PLSCR2: variants seen among roughly 807,000 people sequenced by gnomAD.
The protein encoded by PLSCR2 is PL scramblase 2.
A neutral mutation model predicts 25.3 loss-of-function variants in PLSCR2; 18 were observed. The observed-to-expected ratio is 0.71, with a 90% CI of 0.49 to 1.06. PLSCR2 has a LOEUF of 1.06. PLSCR2 is among the 50% of genes least tolerant of loss of function. PLSCR2 has a pLI of 0.00. For missense variants in PLSCR2, 243 were observed against 269.5 expected, an observed-to-expected ratio of 0.90 and a Z score of 0.69; for synonymous variants, 88 against 87.3, an observed-to-expected ratio of 1.01 and a Z score of -0.04.
chr3:146,488,698 T>C (rs528668684), intron 1 of PLSCR2, among the ~76,000 whole-genome samples: 24 of 152,068 alleles, frequency 1.6e-4, no homozygotes, highest in African/African-American at 5.3e-4. Context: ...TGTGGAGAAA[T>C]AGGAATGCTT....
At chr3:146,429,947 G>C (rs2039489143), downstream of PLSCR2, among the ~76,000 whole-genome samples, 1 of 152,154 alleles carries the variant, frequency 6.6e-6, no homozygotes, top group Non-Finnish European at 1.5e-5. Flanking sequence ...GCAAAGAGGG[G>C]TGAGAGAAGG....
intron 5 of PLSCR2, among the ~76,000 whole-genome samples, chr3:146,452,369 T>C (rs1206196667): frequency 2.0e-5 from 3 of 152,174 alleles, no homozygotes; most frequent in African/African-American, 7.2e-5. Flanking sequence ...AAAAACTAAA[T>C]ATTTATTTGC....
intron 2 of PLSCR2, among the ~76,000 whole-genome samples, chr3:146,421,829 C>A (rs1262665483): frequency 2.0e-5 from 3 of 152,090 alleles, no homozygotes; most frequent in Non-Finnish European, 4.4e-5. Context: ...CAGGTGAGGG[C>A]TTAGCCAGAA....
At chr3:146,402,593 G>A (rs754672962) in intron 2 of PLSCR2, among the ~76,000 whole-genome samples, 6 of 151,794 alleles carry the variant, frequency 4.0e-5, no homozygotes, top group Middle Eastern at 3.2e-3. Context: ...TCAGCCTCCC[G>A]AGTAGCCAAG....
downstream of PLSCR2, among the ~76,000 whole-genome samples, chr3:146,437,503 G>C (rs191061030): frequency 2.6e-5 from 4 of 152,296 alleles, no homozygotes; most frequent in African/African-American, 9.6e-5. Flanking sequence ...AGTCTTAGGA[G>C]GGTGTATGTG....
upstream of PLSCR2, among the ~76,000 whole-genome samples, chr3:146,460,443 G>GAAAAAAAAAAAA (rs59446001): frequency 1.5e-5 from 2 of 133,776 alleles, no homozygotes; most frequent in African/African-American, 2.7e-5. Flanking sequence ...GATGAAATTG[G>GAAAAAAAAAAAA]AAAAAAAAAA....
Position 146,441,909 on chromosome 3 carries a change from GTTAA to G in PLSCR2, c.646-92_646-89del, listed in dbSNP as rs1001076068. 4.1e-5 allele frequency: 32 copies of G among 783,480 alleles called. No homozygotes were observed. In the African/African-American group the frequency reaches 5.2e-4, roughly 13 times the overall value. 48.5% of individuals were successfully genotyped at this position (783,480 alleles called of 1,614,324 possible). ...ATGCTAAGGGATCTGATGAAACACA[GTTAA>G]TTGTCTGTTAAATAAGAAAAATTAA... is the stretch of plus-strand genomic sequence containing the variant. On this transcript the variant is annotated intron_variant, in intron 6 of 6. Coordinates refer to ENST00000610787, the Ensembl canonical transcript of PLSCR2.
At chr3:146,454,231 T>C in intron 4 of PLSCR2, 68 bp from the exon 5 acceptor site, 1 of 1,118,890 alleles carries the variant, frequency 8.9e-7, no homozygotes, top group Non-Finnish European at 1.2e-6. Flanking sequence ...ATAGCTCTAA[T>C]TTACTGAGCA....
upstream of PLSCR2, among the ~76,000 whole-genome samples, chr3:146,464,785 A>G (rs2041786692): frequency 6.6e-6 from 1 of 152,192 alleles, no homozygotes; most frequent in Non-Finnish European, 1.5e-5. Flanking sequence ...ATCAGAAATC[A>G]TGTCTTCATT....
chr3:146,489,040 A>G (rs6810208), intron 1 of PLSCR2, among the ~76,000 whole-genome samples: 4,214 of 152,226 alleles, frequency 0.028, 223 homozygotes, highest in African/African-American at 0.096. Context: ...GCTGGAAGCC[A>G]TCATTCTCAG....
chr3:146,408,671 A>G (rs2038737486), intron 2 of PLSCR2, among the ~76,000 whole-genome samples: 1 of 151,970 alleles, frequency 6.6e-6, no homozygotes, highest in Non-Finnish European at 1.5e-5. Context: ...GAGCACGGCT[A>G]TTTTCGGGGG....
chr3:146,484,684 C>A (rs1459503540), intron 1 of PLSCR2, among the ~76,000 whole-genome samples: 6 of 152,000 alleles, frequency 3.9e-5, no homozygotes, highest in Non-Finnish European at 5.9e-5. Context: ...TATTTCTGGC[C>A]AAACTAAGCT....
intron 3 of PLSCR2, among the ~76,000 whole-genome samples, chr3:146,456,162 T>C (rs1234871467): frequency 2.0e-5 from 3 of 152,192 alleles, no homozygotes; most frequent in African/African-American, 7.2e-5. Context: ...GCACCTTAGA[T>C]AGGCTAACCT....
chr3:146,415,718 A>G (rs995924381), intron 2 of PLSCR2, among the ~76,000 whole-genome samples: 14 of 152,144 alleles, frequency 9.2e-5, no homozygotes, highest in Admixed American at 8.5e-4. Context: ...TATTCAAGAG[A>G]CAATATCACA....
chr3:146,472,907 T>C (rs2042165107), intron 1 of PLSCR2, among the ~76,000 whole-genome samples: 1 of 152,244 alleles, frequency 6.6e-6, no homozygotes, highest in Non-Finnish European at 1.5e-5. Flanking sequence ...GAAGCCTCTC[T>C]GGCTTGCAGA....
At chr3:146,408,698 G>C (rs778329838) in intron 2 of PLSCR2, among the ~76,000 whole-genome samples, 1 of 152,002 alleles carries the variant, frequency 6.6e-6, no homozygotes, top group Non-Finnish European at 1.5e-5. Flanking sequence ...GGTCAAAAGG[G>C]GTGTAAATCC....
At chr3:146,494,312 T>C (rs2043668359) in intron 1 of PLSCR2, among the ~76,000 whole-genome samples, 1 of 152,208 alleles carries the variant, frequency 6.6e-6, no homozygotes, top group Non-Finnish European at 1.5e-5. Context: ...GGTAAGTACA[T>C]AAATATTTCA....
intron 5 of PLSCR2, among the ~76,000 whole-genome samples, chr3:146,452,186 G>A (rs1194865590): frequency 3.3e-5 from 5 of 152,100 alleles, no homozygotes; most frequent in Non-Finnish European, 5.9e-5. Context: ...GAACTGAGTT[G>A]TAGGGAACCC....
chr3:146,454,502 A>G (rs1034098883), intron 4 of PLSCR2, among the ~76,000 whole-genome samples: 2 of 152,192 alleles, frequency 1.3e-5, no homozygotes, highest in African/African-American at 4.8e-5. Context: ...CTATGCCTTT[A>G]TCTCTATCTG....
Sources: allele counts gnomAD v4.1 joint callset (sites outside exome capture counted in the v4.1 genomes callset), GRCh38; gene constraint gnomAD v4.1.1; transcripts MANE v1.5; gene names NCBI Gene and HGNC (gene_info 2026-07-23, HGNC 2026-07-21).